LRRC4C: variants seen among roughly 807,000 people sequenced by gnomAD.
The protein encoded by LRRC4C is leucine rich repeat containing 4C, also known as leucine-rich repeat-containing protein 4C.
In LRRC4C, 5 loss-of-function variants were observed where a neutral mutation model predicts 33.6. The ratio of observed to expected loss-of-function variants is 0.15; its 90% CI spans 0.08 to 0.31. LRRC4C has a LOEUF of 0.31. Among genes scored for constraint, LRRC4C ranks in the 10% least tolerant of loss-of-function variants. LRRC4C has a pLI of 1.00. For missense variants in LRRC4C, 560 were observed against 796.7 expected (o/e 0.70, Z 3.58); for synonymous variants, 329 against 302.0 (o/e 1.09, Z -0.93).
At chr11:41,316,789 C>A (rs1950810935) in intron 1 of LRRC4C, among the ~76,000 whole-genome samples, 2 of 152,220 alleles carry the variant, frequency 1.3e-5, no homozygotes, top group South Asian at 4.1e-4. Flanking sequence ...CACTCTGTAT[C>A]AGAATTCACC....
chr11:40,194,626 G>A (rs1002922279), intron 5 of LRRC4C, among the ~76,000 whole-genome samples: 5 of 151,714 alleles, frequency 3.3e-5, no homozygotes, highest in African/African-American at 4.8e-5. Flanking sequence ...GTCGGGGGGT[G>A]GGGGGCAAAG....
At chr11:40,733,030 C>G (rs10837489) in intron 2 of LRRC4C, among the ~76,000 whole-genome samples, 4 of 135,104 alleles carry the variant, frequency 3.0e-5, no homozygotes, top group African/African-American at 8.3e-5. Flanking sequence ...GAATGTATGT[C>G]TGCCTGGATC....
intron 1 of LRRC4C, among the ~76,000 whole-genome samples, chr11:41,221,159 G>T (rs1947288017): frequency 6.6e-6 from 1 of 151,906 alleles, no homozygotes; most frequent in African/African-American, 2.4e-5. Flanking sequence ...CCTTCCGAAA[G>T]GACCCAGTGT....
intron 3 of LRRC4C, among the ~76,000 whole-genome samples, chr11:40,385,936 G>A (rs966581242): frequency 6.7e-6 from 1 of 150,114 alleles, no homozygotes; most frequent in Admixed American, 6.6e-5. Flanking sequence ...GCTACTTATC[G>A]AGTCCTATGT....
chr11:40,420,203 T>C (rs1198414552), intron 3 of LRRC4C, among the ~76,000 whole-genome samples: 2 of 152,204 alleles, frequency 1.3e-5, no homozygotes, highest in Non-Finnish European at 2.9e-5. Context: ...GAGAGCTTAA[T>C]TGACCAAGGG....
chr11:40,904,817 G>C (rs1043025975), intron 2 of LRRC4C, among the ~76,000 whole-genome samples: 1 of 152,084 alleles, frequency 6.6e-6, no homozygotes, highest in Non-Finnish European at 1.5e-5. Flanking sequence ...TTTATGTCTT[G>C]ATTTTAGGTA....
chr11:40,195,826 A>T (rs1271383005), intron 5 of LRRC4C, among the ~76,000 whole-genome samples: 1 of 152,196 alleles, frequency 6.6e-6, no homozygotes, highest in Non-Finnish European at 1.5e-5. Context: ...ATAATTTCTT[A>T]GAACTTGTCT....
At chr11:40,751,085 G>A (rs7935101) in intron 2 of LRRC4C, among the ~76,000 whole-genome samples, 87,844 of 143,346 alleles carry the variant, frequency 0.61, 25,961 homozygotes, top group Middle Eastern at 0.67. Flanking sequence ...TGAAAAAAAA[G>A]AATCTTAATC....
intron 1 of LRRC4C, among the ~76,000 whole-genome samples, chr11:41,298,188 C>G (rs1370848457): frequency 6.6e-6 from 1 of 152,152 alleles, no homozygotes. Flanking sequence ...GTTCTTTATA[C>G]TTGTCGCTGC....
chr11:40,551,809 G>C (rs1957137125), intron 3 of LRRC4C, among the ~76,000 whole-genome samples: 1 of 152,170 alleles, frequency 6.6e-6, no homozygotes, highest in African/African-American at 2.4e-5. Flanking sequence ...AGAAGTTTCT[G>C]ATGGTTCATC....
At chr11:41,102,926 C>T (rs1036930891) in intron 1 of LRRC4C, among the ~76,000 whole-genome samples, 2 of 151,540 alleles carry the variant, frequency 1.3e-5, no homozygotes, top group Non-Finnish European at 2.9e-5. Flanking sequence ...TGATGACTTG[C>T]CAAATATAAC....
At chr11:41,094,419 G>T (rs2135566243) in intron 1 of LRRC4C, among the ~76,000 whole-genome samples, 1 of 152,058 alleles carries the variant, frequency 6.6e-6, no homozygotes, top group South Asian at 2.1e-4. Flanking sequence ...AGCTACTCGG[G>T]AGGCTGAGGC....
intron 3 of LRRC4C, among the ~76,000 whole-genome samples, chr11:40,348,978 G>T (rs936057972): frequency 2.0e-5 from 3 of 151,974 alleles, no homozygotes; most frequent in African/African-American, 7.3e-5. Flanking sequence ...TATTTGTGGG[G>T]TATATGAGAT....
chr11:40,825,285 A>T (rs1267998090), intron 2 of LRRC4C, among the ~76,000 whole-genome samples: 1 of 151,894 alleles, frequency 6.6e-6, no homozygotes, highest in African/African-American at 2.4e-5. Flanking sequence ...TGTTGCCGAG[A>T]TCTAAATGAT....
chr11:41,154,087 T>C (rs1175743252), intron 1 of LRRC4C, among the ~76,000 whole-genome samples: 1 of 152,178 alleles, frequency 6.6e-6, no homozygotes, highest in East Asian at 1.9e-4. Flanking sequence ...ACTTCTGGCC[T>C]CCAGAACTAT....
chr11:41,142,747 TG>T (rs1943564206), intron 1 of LRRC4C, among the ~76,000 whole-genome samples: 1 of 152,204 alleles, frequency 6.6e-6, no homozygotes, highest in South Asian at 2.1e-4. Context: ...TATGTTTTGA[TG>T]CAAAAGAGAG....
At chr11:40,526,576 G>C (rs1221345048) in intron 3 of LRRC4C, among the ~76,000 whole-genome samples, 1 of 152,066 alleles carries the variant, frequency 6.6e-6, no homozygotes, top group African/African-American at 2.4e-5. Flanking sequence ...CCAAATATTG[G>C]GGGTACTGAA....
At chr11:41,048,966 G>A (rs950674117) in intron 1 of LRRC4C, among the ~76,000 whole-genome samples, 2 of 152,198 alleles carry the variant, frequency 1.3e-5, no homozygotes, top group African/African-American at 4.8e-5. Context: ...TATGCAGTGG[G>A]CAGATTGATT....
chr11:40,514,970 A>G lies in LRRC4C; in HGVS notation c.-270+133172T>C, dbSNP rs190847184. Among the ~76,000 whole-genome samples the G allele has an allele frequency of 6.2e-4, 95 of 152,232 alleles. 1 individual carries two copies. The East Asian group carries it at 0.018, about 29-fold the overall frequency. On this transcript the variant is annotated intron_variant, in intron 3 of 6. Coordinates refer to ENST00000528697, the MANE Select transcript of LRRC4C (RefSeq NM_001258419.2). ...CACTCAGAAAACTTGATACTAAACT[A>G]AAACATCCACACCATATCTTTCATA... is the stretch of plus-strand genomic sequence containing the variant.
Sources: allele counts gnomAD v4.1 joint callset (sites outside exome capture counted in the v4.1 genomes callset), GRCh38; gene constraint gnomAD v4.1.1; transcripts MANE v1.5; gene names NCBI Gene and HGNC (gene_info 2026-07-23, HGNC 2026-07-21).